Variants in TMTC2 observed in about 807,000 individuals in gnomAD.
TMTC2 encodes transmembrane O-mannosyltransferase targeting cadherins 2, also known as protein O-mannosyl-transferase TMTC2.
TMTC2 carries 43 observed loss-of-function variants against 82.4 expected under a neutral mutation model. That is an observed-to-expected ratio of 0.52 (90% CI 0.41 to 0.67). The LOEUF is 0.67. Ranked by LOEUF, TMTC2 falls within the 30% of genes least tolerant of loss-of-function variation. The pLI, the probability that TMTC2 is intolerant of heterozygous loss-of-function variation, is 0.00. For missense variants in TMTC2, 919 were observed against 1,012.4 expected (o/e 0.91, Z 1.25); for synonymous variants, 408 against 381.9 (o/e 1.07, Z -0.80).
chr12:82,933,467 G>T (rs1796297), intron 4 of TMTC2, among the ~76,000 whole-genome samples: 25,822 of 152,018 alleles, frequency 0.17, 4,187 homozygotes, highest in African/African-American at 0.43. Flanking sequence ...TACCTAATTT[G>T]CTCTGGTGTA....
chr12:82,856,052 CA>C (rs1871248251), intron 1 of TMTC2, among the ~76,000 whole-genome samples: 1 of 152,218 alleles, frequency 6.6e-6, no homozygotes, highest in South Asian at 2.1e-4. Context: ...TTCTGAACCA[CA>C]AACTTTCTCA....
chr12:83,101,590 T>C (rs542806152), intron 11 of TMTC2, among the ~76,000 whole-genome samples: 20 of 152,280 alleles, frequency 1.3e-4, no homozygotes, highest in African/African-American at 4.8e-4. Flanking sequence ...AAACTACTAC[T>C]GTATCACCAT....
chr12:83,109,875 T>C (rs1247593041), intron 11 of TMTC2, among the ~76,000 whole-genome samples: 2 of 152,196 alleles, frequency 1.3e-5, no homozygotes, highest in African/African-American at 4.8e-5. Context: ...TTCTTTATTC[T>C]TTATTTTATG....
chr12:82,701,506 C>T (rs997539081), intron 1 of TMTC2, among the ~76,000 whole-genome samples: 1 of 150,360 alleles, frequency 6.7e-6, no homozygotes, highest in African/African-American at 2.5e-5. Context: ...AATCCCAGCA[C>T]TTTGGGAGGC....
chr12:82,970,027 A>T (rs10862532), intron 7 of TMTC2, among the ~76,000 whole-genome samples: 94,435 of 152,052 alleles, frequency 0.62, 30,036 homozygotes, highest in East Asian at 0.81. Context: ...CAGTTGTGTG[A>T]CTTAATTCTG....
At chr12:83,038,038 C>T (rs1881733021) in intron 9 of TMTC2, among the ~76,000 whole-genome samples, 1 of 146,838 alleles carries the variant, frequency 6.8e-6, no homozygotes, top group South Asian at 2.1e-4. Context: ...ATCGCAAGGA[C>T]AAAAAACCAA....
chr12:82,967,716 A>G lies in TMTC2; in HGVS notation c.1948+719A>G, dbSNP rs552096815. Among the ~76,000 whole-genome samples, 13 of 152,244 alleles carry G rather than the reference A, an allele frequency of 8.5e-5. No homozygotes were observed. In the East Asian group the frequency reaches 2.5e-3, roughly 29 times the overall value. On this transcript the variant is annotated intron_variant, in intron 7 of 11. Coordinates refer to ENST00000321196, the MANE Select transcript of TMTC2 (RefSeq NM_152588.3). ...TAAGGTGGCCTAATGACTAATTAAT[A>G]TTGCTGCTTGGAGATAATAAAGAGA...
intron 1 of TMTC2, among the ~76,000 whole-genome samples, chr12:82,744,760 G>T (rs1276505374): frequency 6.6e-6 from 1 of 152,106 alleles, no homozygotes; most frequent in Non-Finnish European, 1.5e-5. Flanking sequence ...TCTAAAAGTT[G>T]CCTCTGGCAG....
At chr12:82,740,652 C>A (rs1875354344) in intron 1 of TMTC2, among the ~76,000 whole-genome samples, 1 of 152,168 alleles carries the variant, frequency 6.6e-6, no homozygotes, top group African/African-American at 2.4e-5. Flanking sequence ...TTTTGCCTTT[C>A]CCTCTGGCTA....
intron 1 of TMTC2, among the ~76,000 whole-genome samples, chr12:82,727,328 G>A (rs1874511248): frequency 6.6e-6 from 1 of 151,888 alleles, no homozygotes; most frequent in African/African-American, 2.4e-5. Flanking sequence ...CTGCTTGTTG[G>A]GCTTCGGATT....
intron 1 of TMTC2, among the ~76,000 whole-genome samples, chr12:82,810,304 T>C (rs930450631): frequency 2.6e-5 from 4 of 151,736 alleles, no homozygotes; most frequent in Admixed American, 6.6e-5. Flanking sequence ...GATGAGATTT[T>C]AATTTGCTTT....
At chr12:82,711,821 CAGA>C (rs1873633628) in intron 1 of TMTC2, among the ~76,000 whole-genome samples, 1 of 152,154 alleles carries the variant, frequency 6.6e-6, no homozygotes, top group Admixed American at 6.5e-5. Flanking sequence ...ATTTCAGAAT[CAGA>C]AGAATGGAAA....
At chr12:82,815,556 C>T (rs2137055189) in intron 1 of TMTC2, among the ~76,000 whole-genome samples, 1 of 152,168 alleles carries the variant, frequency 6.6e-6, no homozygotes, top group African/African-American at 2.4e-5. Context: ...TCATGATCCG[C>T]CCACTTCGGC....
At chr12:82,795,654 A>G (rs1878683617) in intron 1 of TMTC2, among the ~76,000 whole-genome samples, 1 of 152,084 alleles carries the variant, frequency 6.6e-6, no homozygotes. Context: ...CTTAGAAAAA[A>G]AAAGGCTTCA....
chr12:82,964,115 AGAT>A (rs1230355522), intron 4 of TMTC2, among the ~76,000 whole-genome samples: 1 of 151,644 alleles, frequency 6.6e-6, no homozygotes, highest in African/African-American at 2.4e-5. Context: ...CTGCAATTTG[AGAT>A]GATAACAGCA....
chr12:82,965,971 T>C, intron 6 of TMTC2: 1 of 549,418 alleles, frequency 1.8e-6, no homozygotes, highest in South Asian at 2.7e-5. Flanking sequence ...TAGATTTCTT[T>C]CCTGTGAGTT....
In TMTC2 at chr12:83,008,779, G is replaced by A. The variant is rs370083266; in HGVS notation, c.2071-22019G>A. ...TAATGTGAGAACTGGTATTAATCTG[G>A]CTGTGAACTGGGCCTCGTTTAGTGT... On this transcript the variant is annotated intron_variant, in intron 8 of 11. Coordinates refer to ENST00000321196, the MANE Select transcript of TMTC2 (RefSeq NM_152588.3). Among the ~76,000 whole-genome samples, 166 of 152,194 alleles carry A rather than the reference G, an allele frequency of 1.1e-3. 6 individuals carry two copies. In the South Asian group the frequency reaches 0.033, roughly 30 times the overall value.
At chr12:82,947,173 G>C (rs919821664) in intron 4 of TMTC2, among the ~76,000 whole-genome samples, 1 of 152,150 alleles carries the variant, frequency 6.6e-6, no homozygotes, top group African/African-American at 2.4e-5. Context: ...TATTGTGTTT[G>C]AGTGTGTCCC....
At chr12:82,846,194 A>C (rs1264285819) in intron 1 of TMTC2, among the ~76,000 whole-genome samples, 1 of 151,914 alleles carries the variant, frequency 6.6e-6, no homozygotes. Flanking sequence ...CCCCATCTCT[A>C]CTAAAAATAC....
Sources: allele counts gnomAD v4.1 joint callset (sites outside exome capture counted in the v4.1 genomes callset), GRCh38; gene constraint gnomAD v4.1.1; transcripts MANE v1.5; gene names NCBI Gene and HGNC (gene_info 2026-07-23, HGNC 2026-07-21).